PTPRN2: variants seen among roughly 807,000 people sequenced by gnomAD.
PTPRN2 encodes receptor-type tyrosine-protein phosphatase N2.
In PTPRN2, 74 loss-of-function variants were observed where a neutral mutation model predicts 118.8. The observed-to-expected ratio is 0.62, with a 90% CI of 0.52 to 0.76. PTPRN2 has a LOEUF of 0.76. Among genes scored for constraint, PTPRN2 ranks in the 30% least tolerant of loss-of-function variants. The pLI is 0.00. For synonymous variants in PTPRN2, 641 were observed against 608.0 expected (o/e 1.05, Z -0.80); for missense variants, 1,481 against 1,394.4 (o/e 1.06, Z -0.99).
At position 157,746,588 on chromosome 7, in the gene PTPRN2, C is replaced by T. The variant is rs572455751; in HGVS notation, c.1789-63651G>A. On this transcript the variant is annotated intron_variant, in intron 12 of 22. Transcript: ENST00000389418. Reference sequence around the variant, plus strand: ...CACGGGGCCAAGGGCGTGGAGATCACGGGCCTCCATACACCCCACAGTCCT... The same window carrying T: ...CACGGGGCCAAGGGCGTGGAGATCATGGGCCTCCATACACCCCACAGTCCT... Among the ~76,000 whole-genome samples, 22 of 147,496 alleles carry T rather than the reference C, an allele frequency of 1.5e-4. No homozygotes were observed. The East Asian group carries it at 2.7e-3, about 18-fold the overall frequency.
intron 2 of PTPRN2, among the ~76,000 whole-genome samples, chr7:158,320,493 G>A (rs534584099): frequency 3.3e-5 from 5 of 150,164 alleles, no homozygotes; most frequent in African/African-American, 5.0e-5. Flanking sequence ...CTGTGATGGC[G>A]CCCCCATCGC....
intron 6 of PTPRN2, among the ~76,000 whole-genome samples, chr7:158,142,170 G>T (rs73745147): frequency 3.3e-5 from 5 of 152,118 alleles, no homozygotes; most frequent in Non-Finnish European, 7.4e-5. Context: ...CCCACTCCAC[G>T]CAGGCTTTCC....
chr7:157,891,053 T>C (rs1796771615), intron 12 of PTPRN2, among the ~76,000 whole-genome samples: 1 of 151,662 alleles, frequency 6.6e-6, no homozygotes, highest in Non-Finnish European at 1.5e-5. Context: ...GGCCCCCCTC[T>C]GTCCCGTCCT....
chr7:158,013,040 C>T (rs1982124), intron 11 of PTPRN2, among the ~76,000 whole-genome samples: 115,937 of 151,556 alleles, frequency 0.76, 44,499 homozygotes, highest in East Asian at 0.81. Flanking sequence ...AGGCGGGATG[C>T]CAAGCACTTC....
chr7:158,332,207 T>C (rs1174548445), intron 2 of PTPRN2, among the ~76,000 whole-genome samples: 41 of 146,702 alleles, frequency 2.8e-4, no homozygotes, highest in African/African-American at 1.0e-3. Context: ...CCTGCAGACA[T>C]CACTCACATC....
intron 11 of PTPRN2, among the ~76,000 whole-genome samples, chr7:158,024,872 A>G: frequency 6.6e-6 from 1 of 152,204 alleles, no homozygotes; most frequent in East Asian, 1.9e-4. Context: ...TACACACAGG[A>G]AGTTTTCAAT....
At position 157,757,218 on chromosome 7, in the gene PTPRN2, C is replaced by T. The variant is rs1357966706; in HGVS notation, c.1789-74281G>A. 7.3e-5 allele frequency among the ~76,000 whole-genome samples: 11 copies of T among 150,154 alleles called. No individual in the cohort carries two copies. The East Asian group carries it at 2.1e-3, about 29-fold the overall frequency. Reference sequence around the variant, plus strand: ...GCAGAGACCGTCGAGGAACCCACAGCAGAATTGGCCATGGGTGAAGGCTGA... The same window carrying T: ...GCAGAGACCGTCGAGGAACCCACAGTAGAATTGGCCATGGGTGAAGGCTGA... On this transcript the variant is annotated intron_variant, in intron 12 of 22. Transcript: ENST00000389418.
intron 19 of PTPRN2, among the ~76,000 whole-genome samples, chr7:157,571,794 C>T (rs1428905539): frequency 6.6e-6 from 1 of 152,214 alleles, no homozygotes; most frequent in Non-Finnish European, 1.5e-5. Context: ...CCCACCCCTG[C>T]AGGCTCTCCT....
At chr7:158,151,677 C>T (rs1821182043) in intron 6 of PTPRN2, among the ~76,000 whole-genome samples, 1 of 152,090 alleles carries the variant, frequency 6.6e-6, no homozygotes, top group African/African-American at 2.4e-5. Context: ...CTCTTGTTTC[C>T]TTTCCCTTCT....
intron 6 of PTPRN2, among the ~76,000 whole-genome samples, chr7:158,141,330 G>A (rs1819366646): frequency 6.6e-6 from 1 of 152,228 alleles, no homozygotes; most frequent in African/African-American, 2.4e-5. Context: ...GGCACTGCCT[G>A]TGGCACCCCC....
chr7:157,604,193 G>A, intron 15 of PTPRN2, 118 bp from the exon 16 acceptor site: 1 of 883,638 alleles, frequency 1.1e-6, no homozygotes, highest in Non-Finnish European at 1.8e-6. Flanking sequence ...AGCCTCCAGG[G>A]TCCATCACAC....
chr7:158,336,554 C>T (rs1458175385), intron 2 of PTPRN2, among the ~76,000 whole-genome samples: 4 of 144,636 alleles, frequency 2.8e-5, no homozygotes, highest in East Asian at 2.1e-4. Flanking sequence ...GTCACTCACA[C>T]CCACACTCAC....
intron 3 of PTPRN2, among the ~76,000 whole-genome samples, chr7:158,262,782 T>A (rs1212520983): frequency 7.5e-6 from 1 of 132,642 alleles, no homozygotes; most frequent in African/African-American, 2.9e-5. Flanking sequence ...TCACACACAC[T>A]ACACACATAC....
intron 12 of PTPRN2, among the ~76,000 whole-genome samples, chr7:157,706,142 G>A (rs1798319516): frequency 6.6e-6 from 1 of 151,804 alleles, no homozygotes; most frequent in South Asian, 2.1e-4. Flanking sequence ...TGGGAATTGA[G>A]CAAATCTGAC....
chr7:157,767,339 C>T (rs1802543719), intron 12 of PTPRN2, among the ~76,000 whole-genome samples: 1 of 152,216 alleles, frequency 6.6e-6, no homozygotes. Flanking sequence ...CCCTGTTCCT[C>T]CTGGCATCTT....
At chr7:157,835,766 T>G (rs927282202) in intron 12 of PTPRN2, among the ~76,000 whole-genome samples, 1 of 152,150 alleles carries the variant, frequency 6.6e-6, no homozygotes, top group African/African-American at 2.4e-5. Context: ...TTCACACACA[T>G]TACAACCACC....
chr7:158,147,789 ACTGACACCCCATTTCACGCCACACGTCT>A (rs1820321812), intron 6 of PTPRN2, among the ~76,000 whole-genome samples: 11 of 94,750 alleles, frequency 1.2e-4, no homozygotes, highest in East Asian at 2.9e-4. Flanking sequence ...ATTCCCCCTC[ACTGACACCCCATTTCACGCCACACGTCT>A]TTCCCCCTCA....
intron 9 of PTPRN2, among the ~76,000 whole-genome samples, chr7:158,131,315 C>G (rs533321314): frequency 8.0e-6 from 1 of 124,288 alleles, no homozygotes; most frequent in African/African-American, 3.4e-5. Context: ...TACACATCTA[C>G]CCCACATACA....
At position 158,207,035 on chromosome 7, in the gene PTPRN2, G is replaced by A. The variant is rs565234646; in HGVS notation, c.278-1762C>T. Reference sequence around the variant, plus strand: ...CATGTGATCTCATTGTTCAATTCCCGCCTATGAGTGAGAATATGCGGTGTT... The same window carrying A: ...CATGTGATCTCATTGTTCAATTCCCACCTATGAGTGAGAATATGCGGTGTT... On this transcript the variant is annotated intron_variant, in intron 3 of 22. Transcript: ENST00000389418. 5.5e-3 allele frequency among the ~76,000 whole-genome samples: 791 copies of A among 143,782 alleles called. 3 individuals are homozygous for A. The highest frequency in any genetic ancestry group is 0.01 in the Non-Finnish European group (668 of 66,126). The allele number at this position is 143,782 out of a possible 152,430, so 94.3% of individuals were successfully genotyped here. A position where few individuals can be genotyped will look rare whatever the true frequency, so the allele number is the denominator to read the frequency against.
Sources: allele counts gnomAD v4.1 joint callset (sites outside exome capture counted in the v4.1 genomes callset), GRCh38; gene constraint gnomAD v4.1.1; transcripts MANE v1.5; gene names NCBI Gene and HGNC (gene_info 2026-07-23, HGNC 2026-07-21).